The following DAPK1 variants were observed in gnomAD, a reference collection of about 807,000 sequenced individuals.
DAPK1 encodes death-associated protein kinase 1.
Under a neutral mutation model 144.9 loss-of-function variants are expected in DAPK1, and 56 were observed. The observed-to-expected ratio is 0.39, with a 90% CI of 0.31 to 0.48. The LOEUF is 0.48. Ranked by LOEUF, DAPK1 falls within the 20% of genes least tolerant of loss-of-function variation. The probability of loss-of-function intolerance (pLI) is 0.95; values close to 1 mark genes in which losing one functional copy is unlikely to be tolerated. For synonymous variants in DAPK1, 690 were observed against 749.0 expected, an observed-to-expected ratio of 0.92 and a Z score of 1.29; for missense variants, 1,454 against 1,875.4, an observed-to-expected ratio of 0.78 and a Z score of 4.15.
At chr9:87,556,017 T>C (rs929281441) in intron 2 of DAPK1, among the ~76,000 whole-genome samples, 1 of 152,122 alleles carries the variant, frequency 6.6e-6, no homozygotes, top group African/African-American at 2.4e-5. Flanking sequence ...GAAAATGAGG[T>C]ATTATGAAGG....
chr9:87,650,155 T>C, intron 16 of DAPK1, 37 bp downstream of exon 16: 1 of 1,608,494 alleles, frequency 6.2e-7, no homozygotes, highest in Non-Finnish European at 8.5e-7. Context: ...CACTGGGAAG[T>C]GATCTAGGGG....
chr9:87,685,729 A>C (rs1033744427), intron 20 of DAPK1, among the ~76,000 whole-genome samples: 2 of 152,236 alleles, frequency 1.3e-5, no homozygotes, highest in African/African-American at 4.8e-5. Context: ...CATTGTTTAC[A>C]TAATGTTTCC....
At chr9:87,687,139 C>G (rs1257439609) in intron 21 of DAPK1, among the ~76,000 whole-genome samples, 3 of 152,160 alleles carry the variant, frequency 2.0e-5, no homozygotes, top group African/African-American at 7.2e-5. Context: ...GGGAACATTT[C>G]AAGTCCTCTC....
intron 19 of DAPK1, among the ~76,000 whole-genome samples, chr9:87,669,650 A>C (rs1831187565): frequency 6.6e-6 from 1 of 152,156 alleles, no homozygotes; most frequent in Non-Finnish European, 1.5e-5. Flanking sequence ...CAGATATCCC[A>C]CAAAGTTCTT....
chr9:87,683,712 G>T (rs1451692502), intron 20 of DAPK1, among the ~76,000 whole-genome samples: 4 of 152,186 alleles, frequency 2.6e-5, no homozygotes, highest in African/African-American at 9.7e-5. Flanking sequence ...CCTGGTGAAG[G>T]GTGGCTCTGG....
intron 19 of DAPK1, among the ~76,000 whole-genome samples, chr9:87,676,854 C>G (rs143608068): frequency 2.0e-5 from 3 of 152,326 alleles, no homozygotes; most frequent in South Asian, 2.1e-4. Flanking sequence ...TGTGCACATC[C>G]CTGTCTGTTC....
At chr9:87,498,941 T>G in intron 1 of DAPK1, 29 bp from the exon 2 acceptor site, 1 of 647,500 alleles carries the variant, frequency 1.5e-6, no homozygotes, top group Non-Finnish European at 2.7e-6. Context: ...ATTTTACTAT[T>G]ATTATTGCCT....
In DAPK1 at chr9:87,707,636, G is replaced by A. The variant is rs1039760256; in HGVS notation, c.*272G>A. On this transcript the variant is annotated 3_prime_UTR_variant, in exon 26 of 26. Coordinates refer to ENST00000408954, the MANE Select transcript of DAPK1 (RefSeq NM_004938.4). The surrounding 1 kb of genome is among the most constrained non-coding windows in gnomAD (Gnocchi z 4.0). ...CTAGTGTACCTCCTCTCAGTGTTTTGGACTCCATCTCTCATCCTCCAGTAC... is the reference window on the plus strand; with the variant it reads ...CTAGTGTACCTCCTCTCAGTGTTTTAGACTCCATCTCTCATCCTCCAGTAC... The A allele has an allele frequency of 9.6e-6, 5 of 522,370 alleles. No individual in the cohort carries two copies. Among genetic ancestry groups the A allele is most frequent in the Non-Finnish European group, 1.7e-5 (5 of 290,862 alleles). 32.4% of individuals were successfully genotyped at this position (522,370 alleles called of 1,614,324 possible).
chr9:87,628,282 C>A (rs1184277415), intron 3 of DAPK1, among the ~76,000 whole-genome samples: 1 of 152,192 alleles, frequency 6.6e-6, no homozygotes, highest in Non-Finnish European at 1.5e-5. Context: ...ATACAGCTTG[C>A]ATTTTGGATT....
chr9:87,597,480 G>T (rs1037080544), intron 2 of DAPK1, among the ~76,000 whole-genome samples: 1 of 152,144 alleles, frequency 6.6e-6, no homozygotes, highest in African/African-American at 2.4e-5. Context: ...GAGAAGTTTG[G>T]TGCTGCTTTT....
In DAPK1 at chr9:87,510,075, C is replaced by T. The variant is rs36228632; in HGVS notation, c.62+10936C>T. Among the ~76,000 whole-genome samples the T allele has an allele frequency of 3.5e-3, 528 of 152,274 alleles. 1 individual carries two copies. The highest frequency in any genetic ancestry group is 5.6e-3 in the Non-Finnish European group (380 of 67,996). ...TCCATTACATACAGCCTCAGGCATC[C>T]GTTTCAATTGTTTGGGAGAGGAAGT... On this transcript the variant is annotated intron_variant, in intron 2 of 25. Transcript: ENST00000408954.
intron 11 of DAPK1, among the ~76,000 whole-genome samples, 199 bp downstream of exon 11, chr9:87,643,667 A>G (rs966190377): frequency 1.3e-5 from 2 of 151,406 alleles, no homozygotes; most frequent in African/African-American, 4.9e-5. Context: ...TTTGATTTGG[A>G]TGGTGCTGTC....
intron 19 of DAPK1, among the ~76,000 whole-genome samples, chr9:87,680,230 G>T (rs1297952187): frequency 1.3e-5 from 2 of 151,894 alleles, no homozygotes; most frequent in Non-Finnish European, 2.9e-5. Flanking sequence ...TCAGCCTCCC[G>T]AGTAGCTGGG....
At chr9:87,532,900 T>C (rs1454018300) in intron 2 of DAPK1, among the ~76,000 whole-genome samples, 1 of 152,250 alleles carries the variant, frequency 6.6e-6, no homozygotes, top group African/African-American at 2.4e-5. Context: ...TACAATCATC[T>C]GTCCATCTCA....
chr9:87,562,654 A>G (rs1035901910), intron 2 of DAPK1, among the ~76,000 whole-genome samples: 2 of 152,256 alleles, frequency 1.3e-5, no homozygotes, highest in African/African-American at 2.4e-5. Context: ...CAAAGGCTCT[A>G]CATTATTTAC....
intron 16 of DAPK1, 88 bp from the exon 17 acceptor site, chr9:87,651,439 C>A (rs1415187710): frequency 6.1e-6 from 8 of 1,315,162 alleles, no homozygotes; most frequent in Non-Finnish European, 8.8e-6. Context: ...GCCAATTAAA[C>A]CTCACTCGAT....
intron 2 of DAPK1, among the ~76,000 whole-genome samples, chr9:87,518,915 C>G (rs1230275182): frequency 1.9e-5 from 2 of 103,974 alleles, no homozygotes; most frequent in Non-Finnish European, 4.5e-5. Context: ...AATATCTTTC[C>G]AGGAAAAAAA....
At chr9:87,622,662 G>A (rs752331725) in intron 3 of DAPK1, among the ~76,000 whole-genome samples, 15 of 152,128 alleles carry the variant, frequency 9.9e-5, no homozygotes, top group Non-Finnish European at 1.8e-4. Flanking sequence ...TGTAATCCTA[G>A]CACTTTGGGA....
At chr9:87,678,181 C>T (rs1294936855) in intron 19 of DAPK1, among the ~76,000 whole-genome samples, 1 of 152,206 alleles carries the variant, frequency 6.6e-6, no homozygotes, top group East Asian at 1.9e-4. Flanking sequence ...CCCCAGCTGC[C>T]CCAGCATTTT....
Sources: gnomAD v4.1 joint callset for allele counts (sites outside exome capture counted in the v4.1 genomes callset) on GRCh38, gnomAD v4.1.1 for gene constraint, Gnocchi (gnomAD v3.1) non-coding constraint, MANE v1.5 for transcripts, NCBI Gene and HGNC (gene_info 2026-07-23, HGNC 2026-07-21) for gene names.